MGST1: variants seen among roughly 807,000 people sequenced by gnomAD.
MGST1 encodes glutathione S-transferase 12.
A neutral mutation model predicts 8.9 loss-of-function variants in MGST1; 5 were observed. That is an observed-to-expected ratio of 0.56 (90% confidence interval 0.29 to 1.19). The LOEUF (loss-of-function observed/expected upper bound fraction) is 1.19. Ranked by LOEUF, MGST1 falls within the 50% of genes most tolerant of loss-of-function variation. The pLI, the probability that MGST1 is intolerant of heterozygous loss-of-function variation, is 0.08. For missense variants in MGST1, 182 were observed against 187.4 expected (o/e 0.97, Z 0.17); for synonymous variants, 54 against 67.8 (o/e 0.80, Z 1.00).
rs1941497811 is a variant in MGST1, at chr12:16,500,358, T to A, written n.483-89170T>A. Among the ~76,000 whole-genome samples the A allele has an allele frequency of 6.6e-6, 1 of 152,224 alleles. No individual in the cohort carries two copies. The highest frequency in any genetic ancestry group is 2.4e-5 in the African/African-American group (1 of 41,458). On this transcript the variant is annotated intron_variant and non_coding_transcript_variant, in intron 4 of 4. Transcript: ENST00000538857. The surrounding 1 kb of genome is among the most constrained non-coding windows in gnomAD (Gnocchi z 4.3). ...AAATAAACTGGAAAAAGAGAGGTTCTTATTATAACAACAGCTATTCCCAAC... is the reference window on the plus strand; with the variant it reads ...AAATAAACTGGAAAAAGAGAGGTTCATATTATAACAACAGCTATTCCCAAC...
chr12:16,502,401 C>T (rs1485864568), intron 4 of MGST1, among the ~76,000 whole-genome samples: 1 of 152,080 alleles, frequency 6.6e-6, no homozygotes, highest in Non-Finnish European at 1.5e-5. Flanking sequence ...TTAAATTCAC[C>T]TCAAAGATTT....
At chr12:16,490,383 GGAA>G (rs1220369650) in intron 4 of MGST1, among the ~76,000 whole-genome samples, 1 of 152,164 alleles carries the variant, frequency 6.6e-6, no homozygotes, top group African/African-American at 2.4e-5. Context: ...CCCAGAATGA[GGAA>G]GAAATGCAAT....
chr12:16,469,894 C>G (rs527512750), intron 4 of MGST1, among the ~76,000 whole-genome samples: 8 of 152,170 alleles, frequency 5.3e-5, no homozygotes, highest in South Asian at 2.1e-4. Flanking sequence ...CCTTAACACA[C>G]GCACAAAAAT....
chr12:16,421,592 T>C (rs1478193412), intron 1 of MGST1, among the ~76,000 whole-genome samples: 1 of 152,184 alleles, frequency 6.6e-6, no homozygotes, highest in Non-Finnish European at 1.5e-5. Context: ...CTCCTAATTC[T>C]TACCTCACTT....
intron 1 of MGST1, among the ~76,000 whole-genome samples, chr12:16,387,972 G>A (rs1308776268): frequency 6.6e-6 from 1 of 151,982 alleles, no homozygotes; most frequent in Non-Finnish European, 1.5e-5. Flanking sequence ...TATAGCCTAG[G>A]TATGTGGTAG....
chr12:16,568,464 C>G (rs1942695048), intron 4 of MGST1, among the ~76,000 whole-genome samples: 1 of 152,204 alleles, frequency 6.6e-6, no homozygotes, highest in East Asian at 1.9e-4. Flanking sequence ...CATTCACTTA[C>G]TGTCTATTGC....
At chr12:16,391,875 G>C (rs1231303257) in intron 1 of MGST1, among the ~76,000 whole-genome samples, 1 of 152,034 alleles carries the variant, frequency 6.6e-6, no homozygotes, top group African/African-American at 2.4e-5. Context: ...TCATAGTTTT[G>C]GGTTTTACAT....
chr12:16,370,044 T>G (rs2137020311), intron 3 of MGST1: 1 of 152,354 alleles, frequency 6.6e-6, no homozygotes, highest in East Asian at 1.9e-4. Context: ...TCCGCTTTGT[T>G]ATGCTAGTAT....
intron 4 of MGST1, among the ~76,000 whole-genome samples, chr12:16,454,261 T>A (rs1282846397): frequency 6.6e-6 from 1 of 151,948 alleles, no homozygotes; most frequent in African/African-American, 2.4e-5. Flanking sequence ...TTTTTCCTGG[T>A]AGGCAAATTA....
At chr12:16,380,799 A>G (rs1479268803), downstream of MGST1, among the ~76,000 whole-genome samples, 7 of 152,238 alleles carry the variant, frequency 4.6e-5, no homozygotes, top group South Asian at 1.5e-3. Context: ...TAGGTCACTG[A>G]TGACTTGCTT....
Position 16,584,467 on chromosome 12 carries a change from G to A in MGST1, n.483-5061G>A, listed in dbSNP as rs1416165371. On this transcript the variant is annotated intron_variant and non_coding_transcript_variant, in intron 4 of 4. Coordinates refer to the MGST1 transcript ENST00000538857. The surrounding 1 kb of genome is among the most constrained non-coding windows in gnomAD (Gnocchi z 5.2). ...GCAAAAGTTATTGACAAGGACATGA[G>A]GTTTCTGGAGGACCCAGTGGAAAAG... 1.3e-5 allele frequency among the ~76,000 whole-genome samples: 2 copies of A among 152,162 alleles called. No homozygotes were observed. The highest frequency in any genetic ancestry group is 2.9e-5 in the Non-Finnish European group (2 of 68,022).
chr12:16,475,960 G>GA (rs796973337), intron 4 of MGST1, among the ~76,000 whole-genome samples: 9,565 of 140,386 alleles, frequency 0.068, 976 homozygotes, highest in African/African-American at 0.23. Flanking sequence ...CGTCTGAAAA[G>GA]AAAAAAAAAA....
At chr12:16,384,139 C>G (rs976084475) in intron 1 of MGST1, among the ~76,000 whole-genome samples, 3 of 152,038 alleles carry the variant, frequency 2.0e-5, no homozygotes, top group African/African-American at 4.8e-5. Context: ...CTGCTGGGGT[C>G]CCCTGAGGGA....
At chr12:16,400,457 TC>T in intron 1 of MGST1, 1 of 799,754 alleles carries the variant, frequency 1.3e-6, no homozygotes, top group Middle Eastern at 3.2e-4. Flanking sequence ...TTGGAATTAC[TC>T]CAGTTTAGAT....
intron 4 of MGST1, among the ~76,000 whole-genome samples, chr12:16,528,198 G>T (rs1204040710): frequency 6.6e-6 from 1 of 151,930 alleles, no homozygotes; most frequent in Non-Finnish European, 1.5e-5. Flanking sequence ...TTTTCATTTT[G>T]TGGGGATAAC....
At chr12:16,373,491 A>G (rs1310015727) in intron 3 of MGST1, among the ~76,000 whole-genome samples, 1 of 152,116 alleles carries the variant, frequency 6.6e-6, no homozygotes, top group East Asian at 1.9e-4. Context: ...ATATGATTGT[A>G]TCAAGATATT....
At chr12:16,541,494 A>G (rs2137212977) in intron 4 of MGST1, among the ~76,000 whole-genome samples, 1 of 152,230 alleles carries the variant, frequency 6.6e-6, no homozygotes, top group Admixed American at 6.5e-5. Flanking sequence ...TTTTTCCTAT[A>G]TTGTTTTATG....
At chr12:16,370,620 C>G (rs1266900882) in intron 3 of MGST1, among the ~76,000 whole-genome samples, 1 of 152,100 alleles carries the variant, frequency 6.6e-6, no homozygotes, top group Non-Finnish European at 1.5e-5. Flanking sequence ...CTTTGTAACT[C>G]ATCTTTCATG....
At chr12:16,382,099 C>G (rs141192515), downstream of MGST1, among the ~76,000 whole-genome samples, 3,737 of 152,148 alleles carry the variant, frequency 0.025, 160 homozygotes, top group African/African-American at 0.086. Flanking sequence ...TCCTGTAGCT[C>G]GGAGTAGTTT....
Sources: gnomAD v4.1 joint callset for allele counts (sites outside exome capture counted in the v4.1 genomes callset) on GRCh38, gnomAD v4.1.1 for gene constraint, Gnocchi (gnomAD v3.1) non-coding constraint, MANE v1.5 for transcripts, NCBI Gene and HGNC (gene_info 2026-07-23, HGNC 2026-07-21) for gene names.